Variants in IQCK observed in about 807,000 individuals in gnomAD.
IQCK encodes IQ motif containing K.
A neutral mutation model predicts 28.1 loss-of-function variants in IQCK; 29 were observed. The ratio of observed to expected loss-of-function variants is 1.03; its 90% CI spans 0.77 to 1.41. The LOEUF (loss-of-function observed/expected upper bound fraction) is 1.41, where lower values mean the gene tolerates loss of function less well. Among genes scored for constraint, IQCK ranks in the 40% most tolerant of loss-of-function variants. The pLI, the probability that IQCK is intolerant of heterozygous loss-of-function variation, is 0.00. For synonymous variants in IQCK, 113 were observed against 115.1 expected (o/e 0.98, Z 0.12); for missense variants, 359 against 314.7 (o/e 1.14, Z -1.07).
At chr16:19,725,467 G>C (rs1210384481) in intron 1 of IQCK, among the ~76,000 whole-genome samples, 2 of 152,170 alleles carry the variant, frequency 1.3e-5, no homozygotes, top group African/African-American at 4.8e-5. Flanking sequence ...AAAATGTTAG[G>C]ATTACAGGTG....
chr16:19,736,741 C>CTAT (rs144392953), intron 4 of IQCK, among the ~76,000 whole-genome samples: 4,992 of 152,076 alleles, frequency 0.033, 226 homozygotes, highest in African/African-American at 0.11. Flanking sequence ...GAGCTTCCTT[C>CTAT]TATTATTATT....
chr16:19,754,303 A>G (rs1334399281), intron 4 of IQCK, among the ~76,000 whole-genome samples: 2 of 152,202 alleles, frequency 1.3e-5, no homozygotes, highest in East Asian at 3.8e-4. Context: ...GACTGGAACA[A>G]TGCACTTTGC....
intron 7 of IQCK, among the ~76,000 whole-genome samples, chr16:19,818,251 G>A (rs2056016036): frequency 6.6e-6 from 1 of 152,012 alleles, no homozygotes; most frequent in South Asian, 2.1e-4. Context: ...TAAAAACACT[G>A]GTTTGTAATC....
At chr16:19,719,264 G>T (rs1425530273) in intron 1 of IQCK, among the ~76,000 whole-genome samples, 2 of 152,060 alleles carry the variant, frequency 1.3e-5, no homozygotes, top group African/African-American at 4.8e-5. Flanking sequence ...AAGGAGCTAC[G>T]TAAGCGCTAG....
intron 6 of IQCK, among the ~76,000 whole-genome samples, chr16:19,781,554 G>A (rs1460037596): frequency 1.3e-5 from 2 of 152,196 alleles, no homozygotes; most frequent in Non-Finnish European, 2.9e-5. Context: ...TTTTGGAGCT[G>A]TTCGTATGTT....
chr16:19,857,411 A>G, exon 10 of IQCK: 1 of 437,478 alleles, frequency 2.3e-6, no homozygotes, highest in Non-Finnish European at 4.5e-6. Flanking sequence ...CGTTTATGGT[A>G]CATATTGATT....
intron 4 of IQCK, among the ~76,000 whole-genome samples, chr16:19,738,330 G>A (rs566489137): frequency 6.6e-6 from 1 of 152,318 alleles, no homozygotes; most frequent in Non-Finnish European, 1.5e-5. Context: ...CCCTGGAGGG[G>A]TGAGGAAAGA....
intron 9 of IQCK, among the ~76,000 whole-genome samples, chr16:19,850,394 G>T (rs538231061): frequency 6.6e-6 from 1 of 152,192 alleles, no homozygotes; most frequent in South Asian, 2.1e-4. Flanking sequence ...GACTTCGTAT[G>T]TGTCAAGGGC....
At chr16:19,819,260 A>G (rs2056031781) in intron 7 of IQCK, among the ~76,000 whole-genome samples, 2 of 151,952 alleles carry the variant, frequency 1.3e-5, no homozygotes, top group South Asian at 4.2e-4. Context: ...TGAGAGGCTG[A>G]GGCTGGCAGA....
At chr16:19,776,205 C>T (rs2055392825) in intron 6 of IQCK, among the ~76,000 whole-genome samples, 1 of 152,014 alleles carries the variant, frequency 6.6e-6, no homozygotes, top group South Asian at 2.1e-4. Flanking sequence ...TAAGAAAGAA[C>T]TGAGGCAGAG....
chr16:19,790,832 A>AAAC (rs145344841), intron 7 of IQCK, among the ~76,000 whole-genome samples: 1 of 67,186 alleles, frequency 1.5e-5, no homozygotes, highest in South Asian at 6.3e-4. Context: ...ACAAACAAAC[A>AAAC]AACAACAACA....
chr16:19,844,269 AG>A (rs2056391603), intron 9 of IQCK, among the ~76,000 whole-genome samples: 1 of 152,054 alleles, frequency 6.6e-6, no homozygotes, highest in African/African-American at 2.4e-5. Flanking sequence ...TAGTAGTGAC[AG>A]GGTTTCACTA....
intron 6 of IQCK, among the ~76,000 whole-genome samples, chr16:19,777,022 C>T (rs1240100568): frequency 1.3e-5 from 2 of 152,126 alleles, no homozygotes; most frequent in Admixed American, 6.5e-5. Flanking sequence ...TAAATGAGCA[C>T]GAAGAGCAAA....
intron 2 of IQCK, among the ~76,000 whole-genome samples, chr16:19,731,737 G>T (rs190297530): frequency 6.6e-6 from 1 of 152,288 alleles, no homozygotes. Context: ...TATGAGAGGG[G>T]ATTTACTGGG....
At chr16:19,729,386 G>A (rs377147193) in intron 1 of IQCK, among the ~76,000 whole-genome samples, 1 of 151,842 alleles carries the variant, frequency 6.6e-6, no homozygotes, top group Middle Eastern at 3.4e-3. Flanking sequence ...GATTATAGGC[G>A]TGAGCCACCG....
At chr16:19,829,888 A>T (rs1212711028), downstream of IQCK, among the ~76,000 whole-genome samples, 1 of 152,184 alleles carries the variant, frequency 6.6e-6, no homozygotes, top group East Asian at 1.9e-4. Context: ...CCCCACTAGC[A>T]TGTAACCTGC....
intron 7 of IQCK, among the ~76,000 whole-genome samples, chr16:19,822,215 A>G (rs1474105720): frequency 1.3e-5 from 2 of 150,964 alleles, no homozygotes; most frequent in Non-Finnish European, 3.0e-5. Flanking sequence ...GTGAAACCCC[A>G]TCTCTACTAA....
chr16:19,835,644 GCA>G (rs2056286266), intron 9 of IQCK, among the ~76,000 whole-genome samples: 1 of 150,992 alleles, frequency 6.6e-6, no homozygotes, highest in Non-Finnish European at 1.5e-5. Context: ...AAGTGCAGTG[GCA>G]CAGTCTTGGG....
chr16:19,828,129 T>C (rs1235198191), downstream of IQCK, among the ~76,000 whole-genome samples: 3 of 151,932 alleles, frequency 2.0e-5, no homozygotes, highest in Non-Finnish European at 4.4e-5. Flanking sequence ...GCCAGGCTAG[T>C]CTTGAACTCC....
Sources: gnomAD v4.1 joint callset for allele counts (sites outside exome capture counted in the v4.1 genomes callset) on GRCh38, gnomAD v4.1.1 for gene constraint, MANE v1.5 for transcripts, NCBI Gene and HGNC (gene_info 2026-07-23, HGNC 2026-07-21) for gene names.